Variants in ABCG1 observed in about 807,000 individuals in gnomAD.
ABCG1 encodes the protein ATP binding cassette subfamily G member 1, also known as ATP-binding cassette sub-family G member 1.
Under a neutral mutation model 69.2 loss-of-function variants are expected in ABCG1, and 29 were observed. The observed-to-expected ratio is 0.42, with a 90% CI of 0.31 to 0.57. ABCG1 has a LOEUF of 0.57. Among genes scored for constraint, ABCG1 ranks in the 20% least tolerant of loss-of-function variants. The pLI is 0.15. For missense variants in ABCG1, 718 were observed against 898.1 expected, an observed-to-expected ratio of 0.80 and a Z score of 2.56; for synonymous variants, 370 against 374.8, an observed-to-expected ratio of 0.99 and a Z score of 0.15.
exon 2 of ABCG1, chr21:42,201,602 C>T: frequency 6.4e-7 from 1 of 1,556,328 alleles, no homozygotes; most frequent in Non-Finnish European, 8.7e-7. Flanking sequence ...AACTTCGCTT[C>T]CTGAGACCTA....
chr21:42,244,222 G>A (rs1161576363), intron 2 of ABCG1, among the ~76,000 whole-genome samples: 1 of 152,184 alleles, frequency 6.6e-6, no homozygotes, highest in Non-Finnish European at 1.5e-5. Context: ...GGTTAGCTGG[G>A]GGTGGAGAGG....
chr21:42,277,017 G>A lies in ABCG1; in HGVS notation c.588+72G>A, dbSNP rs534606653. Reference sequence around the variant, plus strand: ...CGTGCATGTGGAAGGTGTGCCTGCCGGGGCATTTTGGCATTGGCTTTTGTT... The same window carrying A: ...CGTGCATGTGGAAGGTGTGCCTGCCAGGGCATTTTGGCATTGGCTTTTGTT... On this transcript the variant is annotated intron_variant, in intron 5 of 14. Transcript: ENST00000398449. 3.6e-5 allele frequency: 55 copies of A among 1,515,224 alleles called. No homozygotes were observed. In the African/African-American group the frequency reaches 5.6e-4, roughly 15 times the overall value. 93.9% of individuals were successfully genotyped at this position (1,515,224 alleles called of 1,614,324 possible).
exon 1 of ABCG1, chr21:42,199,739 G>T (rs1013162237): frequency 6.6e-6 from 1 of 152,202 alleles, no homozygotes; most frequent in Non-Finnish European, 1.5e-5. Context: ...GCCTGCAGTG[G>T]TGAAAACTGA....
intron 2 of ABCG1, among the ~76,000 whole-genome samples, chr21:42,237,007 G>A (rs2067987182): frequency 6.6e-6 from 1 of 152,188 alleles, no homozygotes; most frequent in African/African-American, 2.4e-5. Flanking sequence ...TGTCCTGAAT[G>A]GTGTGAGCAG....
chr21:42,253,127 G>A (rs933314947), intron 2 of ABCG1, among the ~76,000 whole-genome samples: 2 of 152,202 alleles, frequency 1.3e-5, no homozygotes, highest in East Asian at 1.9e-4. Flanking sequence ...GGAGGAGCTG[G>A]TGGGACAAAG....
At chr21:42,259,548 C>A (rs1166420310) in intron 2 of ABCG1, 1 of 1,521,946 alleles carries the variant, frequency 6.6e-7, no homozygotes, top group Non-Finnish European at 8.8e-7. Flanking sequence ...TCATGTGGGC[C>A]CTCAGGCTAT....
At chr21:42,255,872 C>T (rs1375718921) in intron 2 of ABCG1, among the ~76,000 whole-genome samples, 2 of 152,230 alleles carry the variant, frequency 1.3e-5, no homozygotes, top group Admixed American at 1.3e-4. Flanking sequence ...TCCTTCTTAA[C>T]TGGTGAGTTC....
rs1326945311 is a variant in ABCG1, at chr21:42,273,455, G to A, written c.537+20G>A. The A allele has an allele frequency of 8.3e-6, 13 of 1,570,644 alleles. No homozygotes were observed. The highest frequency in any genetic ancestry group is 1.7e-4 in the Middle Eastern group (1 of 5,812). ...ATGATGGTGAGCTCCGCCCTGCCCC[G>A]CCCCACTCCGCCCCTGCCGCCTGTC... On this transcript the variant is annotated intron_variant, in intron 4 of 14. Coordinates refer to ENST00000398449, the MANE Select transcript of ABCG1 (RefSeq NM_016818.3). The surrounding 1 kb of genome is among the most constrained non-coding windows in gnomAD (Gnocchi z 5.3).
chr21:42,228,191 G>C (rs1171961722), intron 2 of ABCG1, among the ~76,000 whole-genome samples: 1 of 152,220 alleles, frequency 6.6e-6, no homozygotes, highest in Non-Finnish European at 1.5e-5. Context: ...GTGGCCACCA[G>C]ATAGAGACTT....
At chr21:42,217,736 G>A (rs368599501), upstream of ABCG1, among the ~76,000 whole-genome samples, 17 of 126,272 alleles carry the variant, frequency 1.3e-4, no homozygotes, top group Non-Finnish European at 2.3e-4. Context: ...CTGTCACCCC[G>A]GCTGGAGTGC....
Position 42,219,243 on chromosome 21 carries a change from GCCGCCGCCGC to G in ABCG1, c.-17_-8del. The G allele has an allele frequency of 6.5e-7, 1 of 1,527,890 alleles. No individual in the cohort carries two copies. The highest frequency in any genetic ancestry group is 8.7e-7 in the Non-Finnish European group (1 of 1,144,792). 94.6% of individuals were successfully genotyped at this position (1,527,890 alleles called of 1,614,324 possible). On this transcript the variant is annotated 5_prime_UTR_variant, in exon 1 of 15. Transcript: ENST00000398449. This position sits in a 1 kb window ranked among gnomAD's most constrained non-coding sequence, Gnocchi z 5.3. ...CGTCCCCGCCGCCGCCGCCGCCGCC[GCCGCCGCCGC>G]CCCCGGGGCATGGCCTGTCTGATGG...
At chr21:42,278,628 G>C (rs542781233) in intron 5 of ABCG1, among the ~76,000 whole-genome samples, 1 of 152,166 alleles carries the variant, frequency 6.6e-6, no homozygotes, top group African/African-American at 2.4e-5. Context: ...TGCTGCCCTC[G>C]ATCTCAGACT....
rs576940259 is a variant in ABCG1, at chr21:42,229,738, C to A, written c.286+3824C>A. Among the ~76,000 whole-genome samples, 21 of 151,422 alleles carry A rather than the reference C, an allele frequency of 1.4e-4. 1 individual carries two copies. The highest frequency in any genetic ancestry group is 5.1e-4 in the African/African-American group (21 of 41,196). ...CTGTCTCAAAAAAAAAACACAAAAA[C>A]AAAAGAAAGAAAGAAAGAAAGTGCC... On this transcript the variant is annotated intron_variant, in intron 2 of 14. Transcript: ENST00000398449.
At position 42,287,790 on chromosome 21, in the gene ABCG1, C is replaced by T. The variant is rs760242815; in HGVS notation, c.974-99C>T. ...CACCGCCACGCAGCATCTATGTAATCGCTTTAAAACATTCCCACTTGAATA... is the reference window on the plus strand; with the variant it reads ...CACCGCCACGCAGCATCTATGTAATTGCTTTAAAACATTCCCACTTGAATA... On this transcript the variant is annotated intron_variant, in intron 8 of 14. Transcript: ENST00000398449. This position sits in a 1 kb window ranked among gnomAD's most constrained non-coding sequence, Gnocchi z 6.2. The T allele has an allele frequency of 1.0e-5, 13 of 1,248,768 alleles. No homozygotes were observed. Among genetic ancestry groups the T allele is most frequent in the African/African-American group, 3.0e-5 (2 of 66,686 alleles). The allele number at this position is 1,248,768 out of a possible 1,614,324, so 77.4% of individuals were successfully genotyped here. A position where few individuals can be genotyped will look rare whatever the true frequency, so the allele number is the denominator to read the frequency against.
chr21:42,291,393 C>A lies in ABCG1; in HGVS notation c.1495-105C>A. On this transcript the variant is annotated intron_variant, in intron 12 of 14. Coordinates refer to ENST00000398449, the MANE Select transcript of ABCG1 (RefSeq NM_016818.3). This position sits in a 1 kb window ranked among gnomAD's most constrained non-coding sequence, Gnocchi z 6.4. ...GTGGGGAAGGACCCGACTTTGGGAG[C>A]TCTGGCGGGAGCTGCGGGGAAGGGC... 1 of 1,482,740 alleles carries A rather than the reference C, an allele frequency of 6.7e-7. No homozygotes were observed. Among genetic ancestry groups the A allele is most frequent in the Non-Finnish European group, 9.2e-7 (1 of 1,091,880 alleles). The allele number at this position is 1,482,740 out of a possible 1,614,324, so 91.8% of individuals were successfully genotyped here. A position where few individuals can be genotyped will look rare whatever the true frequency, so the allele number is the denominator to read the frequency against.
At position 42,225,974 on chromosome 21, in the gene ABCG1, G is replaced by A. The variant is rs1198919035; in HGVS notation, c.286+60G>A. ...GAGGAGCCTCTGAAGGAGGCAACAG[G>A]TTGTTTGGGCAAAATCGGGGTCTGG... is the stretch of plus-strand genomic sequence containing the variant. On this transcript the variant is annotated intron_variant, in intron 2 of 14. Transcript: ENST00000398449. 3.2e-6 allele frequency: 5 copies of A among 1,577,700 alleles called. No homozygotes were observed. The East Asian group carries it at 1.1e-4, about 36-fold the overall frequency.
intron 2 of ABCG1, among the ~76,000 whole-genome samples, chr21:42,208,304 G>A (rs1462846201): frequency 2.0e-5 from 3 of 149,636 alleles, no homozygotes; most frequent in Non-Finnish European, 4.4e-5. Context: ...GACATATGAT[G>A]CAAAACAAAA....
chr21:42,261,462 CA>C (rs1281730575), intron 2 of ABCG1, among the ~76,000 whole-genome samples: 7 of 152,272 alleles, frequency 4.6e-5, no homozygotes, highest in Admixed American at 2.0e-4. Flanking sequence ...AGCAGGATAG[CA>C]AACTCCATCG....
chr21:42,237,566 C>T (rs917588165), intron 2 of ABCG1, among the ~76,000 whole-genome samples: 13 of 152,244 alleles, frequency 8.5e-5, no homozygotes, highest in Non-Finnish European at 1.5e-4. Context: ...ATTACCCCTG[C>T]GTCTCAGCTG....
Sources: allele counts gnomAD v4.1 joint callset (sites outside exome capture counted in the v4.1 genomes callset), GRCh38; gene constraint gnomAD v4.1.1; non-coding constraint Gnocchi (gnomAD v3.1); transcripts MANE v1.5; gene names NCBI Gene and HGNC (gene_info 2026-07-23, HGNC 2026-07-21).